Variants in ELF1 observed in about 807,000 individuals in gnomAD.
ELF1 encodes E74 like ETS transcription factor 1, also known as ETS-related transcription factor Elf-1.
In ELF1, 24 loss-of-function variants were observed where a neutral mutation model predicts 59.9. The observed-to-expected ratio is 0.40, with a 90% confidence interval of 0.29 to 0.56. ELF1 has a LOEUF of 0.56. Among genes scored for constraint, ELF1 ranks in the 20% least tolerant of loss-of-function variants. The pLI, the probability that ELF1 is intolerant of heterozygous loss-of-function variation, is 0.44. For synonymous variants in ELF1, 248 were observed against 266.2 expected (o/e 0.93, Z 0.67); for missense variants, 627 against 742.2 (o/e 0.84, Z 1.80).
Position 40,934,366 on chromosome 13 carries a change from A to G in ELF1, c.1257-338T>C, listed in dbSNP as rs144152472. 5.9e-3 allele frequency among the ~76,000 whole-genome samples: 868 copies of G among 147,530 alleles called. 8 individuals are homozygous for G. The highest frequency in any genetic ancestry group is 0.015 in the South Asian group (69 of 4,534). On this transcript the variant is annotated intron_variant, in intron 8 of 8. Transcript: ENST00000239882. ...AAATGCTTAGCAAGAAGTTTGCATG[A>G]GCTTCTTAAAATTAGGAATTTAAAA...
At chr13:40,972,241 T>G (rs1449713742) in intron 2 of ELF1, among the ~76,000 whole-genome samples, 1 of 152,136 alleles carries the variant, frequency 6.6e-6, no homozygotes, top group Non-Finnish European at 1.5e-5. Flanking sequence ...GAATGGAAAA[T>G]TCATACTACC....
At chr13:40,977,606 A>G (rs1872993133) in intron 2 of ELF1, among the ~76,000 whole-genome samples, 1 of 152,166 alleles carries the variant, frequency 6.6e-6, no homozygotes, top group South Asian at 2.1e-4. Context: ...AATATATTCT[A>G]ATCTGGTGCC....
At position 41,017,860 on chromosome 13, in the gene ELF1, C is replaced by T. The variant is rs186620921; in HGVS notation, c.-229+1368G>A. On this transcript the variant is annotated intron_variant, in intron 1 of 8. Transcript: ENST00000239882. ...CAGACCAGACTAGAAGTAAATACAG[C>T]TTTTGCTTACTCAAAGGCTGACTAA... Among the ~76,000 whole-genome samples, 4 of 152,140 alleles carry T rather than the reference C, an allele frequency of 2.6e-5. No homozygotes were observed. In the East Asian group the frequency reaches 5.8e-4, roughly 22 times the overall value.
intron 1 of ELF1, among the ~76,000 whole-genome samples, chr13:40,984,909 TTAACAG>T (rs1291602802): frequency 6.6e-6 from 1 of 152,208 alleles, no homozygotes; most frequent in Non-Finnish European, 1.5e-5. Context: ...CTACTGTGCT[TTAACAG>T]TTGTCTTTCA....
chr13:40,995,097 G>A, intron 1 of ELF1, among the ~76,000 whole-genome samples: 1 of 152,100 alleles, frequency 6.6e-6, no homozygotes, highest in Non-Finnish European at 1.5e-5. Flanking sequence ...ACTCTTACAC[G>A]GAGGCACACC....
chr13:41,037,616 G>T (rs1017058719), intron 1 of ELF1, among the ~76,000 whole-genome samples: 1 of 152,006 alleles, frequency 6.6e-6, no homozygotes, highest in African/African-American at 2.4e-5. Flanking sequence ...CCAATATGGT[G>T]AAACCTCATC....
At position 40,949,949 on chromosome 13, in the gene ELF1, TCAG is replaced by T. The variant is rs1273067188; in HGVS notation, c.383_385del (p.Pro128_Glu129delinsGln). ...GACTGGGGCAACAACCATGTCATCT[TCAG>T]GTGAACTAAATATATTATTATCTAA... On this transcript the variant is annotated inframe_deletion, in exon 5 of 9. Coordinates refer to ENST00000239882, the MANE Select transcript of ELF1 (RefSeq NM_172373.4). 4 of 1,613,422 alleles carry T rather than the reference TCAG, an allele frequency of 2.5e-6. No homozygotes were observed. The highest frequency in any genetic ancestry group is 3.4e-6 in the Non-Finnish European group (4 of 1,179,670).
intron 1 of ELF1, among the ~76,000 whole-genome samples, chr13:41,039,317 T>C (rs1876512843): frequency 7.7e-6 from 1 of 129,152 alleles, no homozygotes; most frequent in Non-Finnish European, 1.6e-5. Context: ...GGGAAAAATA[T>C]GACAAAAAGT....
At position 40,963,747 on chromosome 13, in the gene ELF1, A is replaced by G. The variant is rs569133780; in HGVS notation, c.73-4731T>C. ...CATGGTAAAACCCTGCCTCTACTAA[A>G]AATACAAAAATTAGCTGGGCATGGT... On this transcript the variant is annotated intron_variant, in intron 2 of 8. Transcript: ENST00000239882. Among the ~76,000 whole-genome samples, 8 of 152,232 alleles carry G rather than the reference A, an allele frequency of 5.3e-5. No individual in the cohort carries two copies. The South Asian group carries it at 1.2e-3, about 24-fold the overall frequency.
chr13:41,001,001 G>A lies in ELF1; in HGVS notation c.-229+18227C>T, dbSNP rs915067744. The stretch of plus-strand genomic sequence containing the variant: ...CACTTTTTTTTTTTTTTCTGAGACA[G>A]AGTCTCACTCTGTCGCCCAGGCCAG... On this transcript the variant is annotated intron_variant, in intron 1 of 8. Transcript: ENST00000239882. Among the ~76,000 whole-genome samples the A allele has an allele frequency of 4.0e-5, 6 of 148,792 alleles. No individual in the cohort carries two copies. In the East Asian group the frequency reaches 1.2e-3, roughly 29 times the overall value.
intron 1 of ELF1, among the ~76,000 whole-genome samples, chr13:41,011,605 G>C (rs1463361788): frequency 1.3e-5 from 2 of 151,856 alleles, no homozygotes; most frequent in African/African-American, 4.8e-5. Flanking sequence ...CATCATGCCT[G>C]GCTTATTTTT....
intron 2 of ELF1, among the ~76,000 whole-genome samples, chr13:40,979,684 C>T (rs937990293): frequency 2.0e-5 from 3 of 152,010 alleles, no homozygotes; most frequent in Non-Finnish European, 4.4e-5. Context: ...AAATGAGACA[C>T]AAAAAAGATT....
At chr13:41,039,649 A>C (rs757116417) in intron 1 of ELF1, among the ~76,000 whole-genome samples, 13 of 152,222 alleles carry the variant, frequency 8.5e-5, no homozygotes, top group South Asian at 4.1e-4. Flanking sequence ...GTTCTAAGAC[A>C]GTTTTTTATC....
chr13:40,949,993 C>T lies in ELF1; in HGVS notation c.362-20G>A. ...TATTATCTAATGAAAATAAAATCAACTAATTATAGTCCACTGTGTATTATA... is the reference window on the plus strand; with the variant it reads ...TATTATCTAATGAAAATAAAATCAATTAATTATAGTCCACTGTGTATTATA... On this transcript the variant is annotated intron_variant, in intron 4 of 8. Transcript: ENST00000239882. The T allele has an allele frequency of 6.3e-7, 1 of 1,579,870 alleles. No homozygotes were observed. Among genetic ancestry groups the T allele is most frequent in the Non-Finnish European group, 8.6e-7 (1 of 1,160,720 alleles).
At chr13:41,051,189 A>G (rs536994925) in intron 1 of ELF1, among the ~76,000 whole-genome samples, 111 of 152,228 alleles carry the variant, frequency 7.3e-4, no homozygotes, top group African/African-American at 2.6e-3. Flanking sequence ...GTAATATTGT[A>G]GTTCATGTGA....
intron 1 of ELF1, among the ~76,000 whole-genome samples, chr13:41,008,604 A>G (rs546937535): frequency 6.6e-6 from 1 of 152,290 alleles, no homozygotes; most frequent in East Asian, 1.9e-4. Flanking sequence ...TCAAAGTACA[A>G]GACAGACCTA....
At chr13:40,974,195 GT>G (rs11310588) in intron 2 of ELF1, among the ~76,000 whole-genome samples, 82,764 of 151,952 alleles carry the variant, frequency 0.54, 25,737 homozygotes, top group Non-Finnish European at 0.69. Flanking sequence ...CAATAAAGCT[GT>G]TTTTTTTAAA....
At chr13:41,031,818 C>G (rs1440720889) in intron 1 of ELF1, among the ~76,000 whole-genome samples, 1 of 82,198 alleles carries the variant, frequency 1.2e-5, no homozygotes, top group Non-Finnish European at 2.3e-5. Flanking sequence ...GACTCCGTGT[C>G]AAAAAAAAAA....
chr13:40,993,251 A>C, intron 1 of ELF1: 1 of 1,578,928 alleles, frequency 6.3e-7, no homozygotes, highest in Non-Finnish European at 8.7e-7. Context: ...CAAAAGCAAC[A>C]GATGTTGTTG....
Sources: allele counts gnomAD v4.1 joint callset (sites outside exome capture counted in the v4.1 genomes callset), GRCh38; gene constraint gnomAD v4.1.1; transcripts MANE v1.5; gene names NCBI Gene and HGNC (gene_info 2026-07-23, HGNC 2026-07-21).